Variants in GPC5 observed in about 807,000 individuals in gnomAD.
The protein encoded by GPC5 is glypican-5.
GPC5 carries 47 observed loss-of-function variants against 53.9 expected under a neutral mutation model. The observed-to-expected ratio is 0.87, with a 90% CI of 0.69 to 1.11. The LOEUF (loss-of-function observed/expected upper bound fraction) is 1.11. Among genes scored for constraint, GPC5 ranks in the 50% most tolerant of loss-of-function variants. The pLI, the probability that GPC5 is intolerant of heterozygous loss-of-function variation, is 0.00. For missense variants in GPC5, 748 were observed against 713.1 expected (o/e 1.05, Z -0.56); for synonymous variants, 286 against 263.3 (o/e 1.09, Z -0.84).
chr13:92,605,231 A>T (rs1488893352), intron 7 of GPC5, among the ~76,000 whole-genome samples: 1 of 152,218 alleles, frequency 6.6e-6, no homozygotes, highest in Non-Finnish European at 1.5e-5. Flanking sequence ...TCTTTCCTGT[A>T]CTCCACAAAT....
intron 6 of GPC5, among the ~76,000 whole-genome samples, chr13:92,023,741 A>G (rs1416251660): frequency 6.6e-6 from 1 of 151,844 alleles, no homozygotes; most frequent in East Asian, 1.9e-4. Flanking sequence ...TTATTTATCA[A>G]TAGAAATATA....
intron 7 of GPC5, among the ~76,000 whole-genome samples, chr13:92,347,854 C>T (rs9589515): frequency 0.36 from 5,255 of 14,406 alleles, 1,124 homozygotes; most frequent in Middle Eastern, 0.53. Flanking sequence ...CTGTTTTATA[C>T]ATATATATAT....
intron 6 of GPC5, among the ~76,000 whole-genome samples, chr13:92,073,661 C>G (rs1437281554): frequency 6.6e-6 from 1 of 152,112 alleles, no homozygotes; most frequent in Non-Finnish European, 1.5e-5. Context: ...ACCATGTATA[C>G]CAAGACAAAT....
intron 7 of GPC5, among the ~76,000 whole-genome samples, chr13:92,253,241 G>C (rs1003261234): frequency 2.6e-5 from 4 of 152,056 alleles, no homozygotes; most frequent in African/African-American, 9.7e-5. Flanking sequence ...AAGAGTGAGC[G>C]TTTTAACCAG....
intron 2 of GPC5, among the ~76,000 whole-genome samples, chr13:91,644,568 C>T (rs551531977): frequency 1.2e-4 from 18 of 152,240 alleles, no homozygotes; most frequent in East Asian, 5.8e-4. Context: ...TTCTTGCATT[C>T]GCATCCTTTA....
At chr13:92,448,736 A>G (rs1877934875) in intron 7 of GPC5, 1 of 151,850 alleles carries the variant, frequency 6.6e-6, no homozygotes, top group East Asian at 1.9e-4. Context: ...TCACTTTGGT[A>G]TAAGAATTGC....
At chr13:92,301,350 G>A (rs2043074038) in intron 7 of GPC5, among the ~76,000 whole-genome samples, 1 of 152,130 alleles carries the variant, frequency 6.6e-6, no homozygotes, top group East Asian at 1.9e-4. Context: ...CATGAAAGAA[G>A]ATTTCTAAGG....
chr13:92,691,536 C>G lies in GPC5; in HGVS notation c.1562-174746C>G, dbSNP rs562800352. ...GAAATCACCCGTCTTCTGCGTCGCT[C>G]ACGCTGGGAGCTGTAGACCGGAGCT... On this transcript the variant is annotated intron_variant, in intron 7 of 7. Coordinates refer to ENST00000377067, the MANE Select transcript of GPC5 (RefSeq NM_004466.6). 1.9e-4 allele frequency among the ~76,000 whole-genome samples: 29 copies of G among 152,056 alleles called. No homozygotes were observed. In the South Asian group the frequency reaches 3.3e-3, roughly 18 times the overall value.
intron 4 of GPC5, among the ~76,000 whole-genome samples, chr13:91,733,186 G>A (rs540633083): frequency 1.3e-5 from 2 of 151,818 alleles, no homozygotes; most frequent in East Asian, 3.9e-4. Flanking sequence ...GCCCAGGCTG[G>A]AGTACAGTGA....
intron 7 of GPC5, among the ~76,000 whole-genome samples, chr13:92,185,738 A>G (rs1425052315): frequency 6.6e-6 from 1 of 152,178 alleles, no homozygotes; most frequent in Non-Finnish European, 1.5e-5. Flanking sequence ...ATTGTTCTAC[A>G]TCATTGTCAA....
chr13:92,706,928 G>C (rs1414286369), intron 7 of GPC5, among the ~76,000 whole-genome samples: 1 of 152,060 alleles, frequency 6.6e-6, no homozygotes, highest in African/African-American at 2.4e-5. Flanking sequence ...CTAGGGGTGG[G>C]GCTCCCATGA....
At chr13:92,586,036 G>A (rs1327731006) in intron 7 of GPC5, among the ~76,000 whole-genome samples, 1 of 152,216 alleles carries the variant, frequency 6.6e-6, no homozygotes, top group East Asian at 1.9e-4. Flanking sequence ...TAGGTTTACA[G>A]AGCTTAGTTT....
chr13:92,526,445 G>A lies in GPC5; in HGVS notation c.1562-339837G>A, dbSNP rs931347640. On this transcript the variant is annotated intron_variant, in intron 7 of 7. Transcript: ENST00000377067. The stretch of plus-strand genomic sequence containing the variant: ...GAAAAACAGAAATAAGTCCAGTGTG[G>A]GTGAAAGATGTGTGTAATGGGGTAC... Among the ~76,000 whole-genome samples the A allele has an allele frequency of 2.0e-5, 3 of 152,170 alleles. No individual in the cohort carries two copies. In the East Asian group the frequency reaches 5.8e-4, roughly 29 times the overall value.
At chr13:92,667,933 C>T (rs1019190890) in intron 7 of GPC5, among the ~76,000 whole-genome samples, 10 of 152,150 alleles carry the variant, frequency 6.6e-5, no homozygotes, top group Admixed American at 2.6e-4. Flanking sequence ...AACTAAAATC[C>T]GTCAGGAGTA....
intron 6 of GPC5, among the ~76,000 whole-genome samples, chr13:92,137,804 G>A (rs1240150469): frequency 6.6e-6 from 1 of 152,070 alleles, no homozygotes; most frequent in African/African-American, 2.4e-5. Flanking sequence ...ATAAATATTC[G>A]TATTCCATTT....
chr13:92,166,962 A>T (rs879423818), intron 7 of GPC5, among the ~76,000 whole-genome samples: 11,706 of 85,698 alleles, frequency 0.14, 479 homozygotes, highest in South Asian at 0.18. Flanking sequence ...TCTCTCACAC[A>T]CACACACACA....
At chr13:91,792,975 C>T (rs2352028) in intron 5 of GPC5, among the ~76,000 whole-genome samples, 54,764 of 151,912 alleles carry the variant, frequency 0.36, 11,176 homozygotes, top group African/African-American at 0.56. Flanking sequence ...TCCATCTTTT[C>T]GAGGCCATTC....
chr13:91,461,751 T>C (rs1412136641), intron 2 of GPC5, among the ~76,000 whole-genome samples: 3 of 152,068 alleles, frequency 2.0e-5, no homozygotes, highest in African/African-American at 2.4e-5. Context: ...AAGCGTGTTA[T>C]GGCAAATGGT....
intron 7 of GPC5, among the ~76,000 whole-genome samples, chr13:92,631,255 A>C (rs151007184): frequency 7.7e-4 from 118 of 152,270 alleles, no homozygotes; most frequent in African/African-American, 2.7e-3. Flanking sequence ...TTTGTGCTAA[A>C]AAATAACAGT....
Sources: allele counts gnomAD v4.1 joint callset (sites outside exome capture counted in the v4.1 genomes callset), GRCh38; gene constraint gnomAD v4.1.1; transcripts MANE v1.5; gene names NCBI Gene and HGNC (gene_info 2026-07-23, HGNC 2026-07-21).